The following SLC36A3 variants were observed in gnomAD, a reference collection of about 807,000 sequenced individuals.
The protein encoded by SLC36A3 is proton-coupled amino acid transporter 3.
In SLC36A3, 35 loss-of-function variants were observed where a neutral mutation model predicts 44.3. The observed-to-expected ratio is 0.79, with a 90% CI of 0.60 to 1.05. The LOEUF is 1.05. Among genes scored for constraint, SLC36A3 ranks in the 50% least tolerant of loss-of-function variants. The pLI is 0.00. For missense variants in SLC36A3, 540 were observed against 578.7 expected, an observed-to-expected ratio of 0.93 and a Z score of 0.69; for synonymous variants, 211 against 227.6, an observed-to-expected ratio of 0.93 and a Z score of 0.66.
At chr5:151,291,428 C>T (rs1254425415) in intron 4 of SLC36A3, among the ~76,000 whole-genome samples, 1 of 152,164 alleles carries the variant, frequency 6.6e-6, no homozygotes, top group African/African-American at 2.4e-5. Context: ...GCTACATTCC[C>T]CTTGCCCTGT....
intron 9 of SLC36A3, among the ~76,000 whole-genome samples, chr5:151,277,904 T>C (rs1754156450): frequency 6.6e-6 from 1 of 152,200 alleles, no homozygotes; most frequent in Non-Finnish European, 1.5e-5. Flanking sequence ...AGGGCTCTTC[T>C]ACCACTTACC....
intron 2 of SLC36A3, 57 bp downstream of exon 2, chr5:151,298,536 T>G: frequency 6.4e-7 from 1 of 1,566,222 alleles, no homozygotes; most frequent in East Asian, 2.2e-5. Context: ...CTTCAGGACC[T>G]ATCACCCCCT....
intron 9 of SLC36A3, 21 bp from the exon 10 acceptor site, chr5:151,277,682 T>C (rs374677719): frequency 1.2e-6 from 2 of 1,609,918 alleles, no homozygotes; most frequent in Non-Finnish European, 1.7e-6. Flanking sequence ...AGGAGATATT[T>C]AGAATCACTG....
intron 4 of SLC36A3, among the ~76,000 whole-genome samples, chr5:151,290,319 C>T (rs1209530032): frequency 3.3e-5 from 5 of 152,166 alleles, no homozygotes; most frequent in South Asian, 4.1e-4. Flanking sequence ...TCATATCATC[C>T]TATTGAGTCA....
chr5:151,285,714 C>T (rs1038159016), intron 6 of SLC36A3, among the ~76,000 whole-genome samples: 4 of 152,088 alleles, frequency 2.6e-5, no homozygotes, highest in Admixed American at 6.6e-5. Context: ...CTGGATTATT[C>T]GGGTGGGACA....
intron 6 of SLC36A3, among the ~76,000 whole-genome samples, chr5:151,285,520 T>G (rs1754504095): frequency 6.6e-6 from 1 of 152,196 alleles, no homozygotes; most frequent in African/African-American, 2.4e-5. Flanking sequence ...GCAGCTCTCA[T>G]GAATCTAGGG....
Position 151,277,594 on chromosome 5 carries a change from G to T in SLC36A3, c.1212C>A (p.Ser404Arg). Residue 404 changes from serine to arginine, a missense_variant, in exon 10 of 10, where the codon AGC becomes AGA. Physicochemically the swap from Ser to Arg is moderately radical, Grantham distance 110. Transcript: ENST00000335230. ...VISLVGSVSS[S>R]ALALIIPALL... ...GGGCTGGGATGATGAGAGCCAGGGC[G>T]CTGCTGCTCACGGAGCCTACCAGGG... 1 of 1,614,194 alleles carries T rather than the reference G, an allele frequency of 6.2e-7. No individual in the cohort carries two copies. The highest frequency in any genetic ancestry group is 8.5e-7 in the Non-Finnish European group (1 of 1,180,028).
At position 151,296,129 on chromosome 5, in the gene SLC36A3, C is replaced by T. The variant is rs776510329; in HGVS notation, c.308+51G>A. 3.2e-6 allele frequency: 5 copies of T among 1,564,182 alleles called. No homozygotes were observed. The East Asian group carries it at 1.1e-4, about 35-fold the overall frequency. ...GTCAGTGGTCAAAAGAAGAGCAACA[C>T]ACCCTCAGAGGGGCCCCAGTGCTGG... On this transcript the variant is annotated intron_variant, in intron 3 of 9. Transcript: ENST00000335230.
At chr5:151,303,028 G>C (rs548061810) in intron 1 of SLC36A3, among the ~76,000 whole-genome samples, 199 bp downstream of exon 1, 2 of 152,302 alleles carry the variant, frequency 1.3e-5, no homozygotes, top group South Asian at 4.1e-4. Flanking sequence ...TGGGTTCTTC[G>C]TAAAAACTGG....
intron 3 of SLC36A3, among the ~76,000 whole-genome samples, chr5:151,294,270 C>G (rs999793607): frequency 6.6e-6 from 1 of 152,162 alleles, no homozygotes; most frequent in South Asian, 2.1e-4. Context: ...TGGAACATGA[C>G]ATTTTTGTTA....
chr5:151,302,854 G>A (rs1755209351), intron 1 of SLC36A3, among the ~76,000 whole-genome samples: 1 of 151,944 alleles, frequency 6.6e-6, no homozygotes, highest in Admixed American at 6.6e-5. Context: ...GATGGCATGG[G>A]GGGTTGGGGA....
chr5:151,281,555 C>T (rs1289679498), intron 8 of SLC36A3, among the ~76,000 whole-genome samples: 2 of 152,112 alleles, frequency 1.3e-5, no homozygotes, highest in African/African-American at 4.8e-5. Context: ...TGGTGGCTCA[C>T]GCTTGTAATC....
Position 151,277,176 on chromosome 5 carries a change from C to T in SLC36A3, c.*217G>A, listed in dbSNP as rs1333188030. 1.7e-6 allele frequency: 1 copy of T among 602,204 alleles called. No individual in the cohort carries two copies. The allele number at this position is 602,204 out of a possible 1,614,324, so 37.3% of individuals were successfully genotyped here. The stretch of plus-strand genomic sequence containing the variant: ...TGAATAGTTGAATCTAATTTTGGTT[C>T]AGAGGTACAAAAGGCCATCCAAAAA... On this transcript the variant is annotated 3_prime_UTR_variant, in exon 10 of 10. Transcript: ENST00000335230.
intron 6 of SLC36A3, 27 bp from the exon 7 acceptor site, chr5:151,284,738 G>T (rs1478719748): frequency 1.9e-6 from 3 of 1,579,660 alleles, no homozygotes; most frequent in South Asian, 1.1e-5. Flanking sequence ...GAAGCACATT[G>T]GTGTTGTTAT....
At chr5:151,290,909 T>G (rs555144739) in intron 4 of SLC36A3, among the ~76,000 whole-genome samples, 1 of 152,028 alleles carries the variant, frequency 6.6e-6, no homozygotes, top group South Asian at 2.1e-4. Flanking sequence ...TAATTCAGTA[T>G]GTAGCTGTAA....
chr5:151,287,597 T>C, intron 5 of SLC36A3, 133 bp from the exon 6 acceptor site: 1 of 816,396 alleles, frequency 1.2e-6, no homozygotes, highest in East Asian at 2.7e-5. Context: ...GACACGCTCA[T>C]AGTAAAACAA....
chr5:151,302,137 C>G (rs572833171), intron 1 of SLC36A3, among the ~76,000 whole-genome samples: 1 of 152,130 alleles, frequency 6.6e-6, no homozygotes, highest in Non-Finnish European at 1.5e-5. Flanking sequence ...TGTGTGTGCA[C>G]GAGTTGTATA....
Position 151,303,330 on chromosome 5 carries a change from T to C in SLC36A3, c.25A>G (p.Asn9Asp). Residue 9 changes from asparagine to aspartate, a missense_variant, in exon 1 of 10, where the codon AAC becomes GAC. By Grantham distance (23) the Asn-to-Asp change is conservative. Coordinates refer to ENST00000335230, the MANE Select transcript of SLC36A3 (RefSeq NM_181774.4). MSLLGRDY[N>D]SELNSLDNGP... is the part of the protein sequence containing the mutation. ...TTGTCCAAGGAGTTCAGCTCACTGT[T>C]GTAGTCCCTTCCAAGCAATGACATC... The C allele has an allele frequency of 6.2e-7, 1 of 1,613,882 alleles. No individual in the cohort carries two copies. The highest frequency in any genetic ancestry group is 8.5e-7 in the Non-Finnish European group (1 of 1,179,856).
intron 5 of SLC36A3, 125 bp downstream of exon 5, chr5:151,288,261 G>T: frequency 1.8e-6 from 1 of 562,004 alleles, no homozygotes; most frequent in Non-Finnish European, 2.8e-6. Flanking sequence ...CCCAAGCGTG[G>T]TCTGATCTAG....
Sources: allele counts gnomAD v4.1 joint callset (sites outside exome capture counted in the v4.1 genomes callset), GRCh38; gene constraint gnomAD v4.1.1; transcripts MANE v1.5; gene names NCBI Gene and HGNC (gene_info 2026-07-23, HGNC 2026-07-21).